Variants in COL9A2 observed in about 807,000 individuals in gnomAD.
COL9A2 encodes collagen alpha-2(IX) chain.
Under a neutral mutation model 111.6 loss-of-function variants are expected in COL9A2, and 66 were observed. The ratio of observed to expected loss-of-function variants is 0.59; its 90% CI spans 0.48 to 0.73. The LOEUF (loss-of-function observed/expected upper bound fraction) is 0.73, where lower values mean the gene tolerates loss of function less well. Ranked by LOEUF, COL9A2 falls within the 30% of genes least tolerant of loss-of-function variation. The pLI is 0.00. For missense variants in COL9A2, 881 were observed against 954.1 expected (o/e 0.92, Z 1.01); for synonymous variants, 353 against 364.1 (o/e 0.97, Z 0.35).
chr1:40,313,823 T>C lies in COL9A2; in HGVS notation c.249+382A>G, dbSNP rs142756892. ...TGATGTTTCTCTCCTGAGTCATGCC[T>C]GGGGCTGTGGGTAGGGGTCAGGGGA... On this transcript the variant is annotated intron_variant, in intron 4 of 31. Coordinates refer to ENST00000372748, the MANE Select transcript of COL9A2 (RefSeq NM_001852.4). 1.9e-3 allele frequency among the ~76,000 whole-genome samples: 283 copies of C among 152,226 alleles called. 2 individuals are homozygous for C. Among genetic ancestry groups the C allele is most frequent in the African/African-American group, 6.3e-3 (261 of 41,536 alleles).
rs538441550 is a variant in COL9A2 at position 40,306,612 on chromosome 1, A to G, written c.1009-425T>C. The stretch of plus-strand genomic sequence containing the variant: ...AAGGCACAAAGAGACCAGAAAGGGC[A>G]TTTCAAACAGAGGGACCAGCAAAGG... On this transcript the variant is annotated intron_variant, in intron 19 of 31. Coordinates refer to ENST00000372748, the MANE Select transcript of COL9A2 (RefSeq NM_001852.4). 1.5e-3 allele frequency among the ~76,000 whole-genome samples: 218 copies of G among 149,424 alleles called. 1 individual carries two copies. Among genetic ancestry groups the G allele is most frequent in the African/African-American group, 5.1e-3 (199 of 39,296 alleles).
In COL9A2 at chr1:40,310,003, G is replaced by A. The variant is rs529982405; in HGVS notation, c.793-12C>T. ...GGACCTTCCTCACCCTGGCAAGAAA[G>A]ACAAGCAGGAATCCAGGTCACACAG... On this transcript the variant is annotated splice_polypyrimidine_tract_variant and intron_variant, in intron 15 of 31. Coordinates refer to ENST00000372748, the MANE Select transcript of COL9A2 (RefSeq NM_001852.4). The surrounding 1 kb of genome is among the most constrained non-coding windows in gnomAD (Gnocchi z 4.9). The A allele has an allele frequency of 6.2e-7, 1 of 1,614,170 alleles. No homozygotes were observed. The highest frequency in any genetic ancestry group is 1.3e-5 in the African/African-American group (1 of 75,054).
chr1:40,309,631 G>GAC (rs990289912), intron 16 of COL9A2, among the ~76,000 whole-genome samples: 3 of 151,578 alleles, frequency 2.0e-5, no homozygotes, highest in African/African-American at 4.8e-5. Context: ...CACTTGGGCA[G>GAC]ACACACACAC....
Position 40,310,023 on chromosome 1 carries a change from A to C in COL9A2, c.793-32T>G. The C allele has an allele frequency of 3.7e-6, 6 of 1,614,146 alleles. No individual in the cohort carries two copies. Among genetic ancestry groups the C allele is most frequent in the Non-Finnish European group, 5.1e-6 (6 of 1,179,986 alleles). On this transcript the variant is annotated intron_variant, in intron 15 of 31. Coordinates refer to ENST00000372748, the MANE Select transcript of COL9A2 (RefSeq NM_001852.4). This position sits in a 1 kb window ranked among gnomAD's most constrained non-coding sequence, Gnocchi z 4.9. Reference sequence around the variant, plus strand: ...AGAAAGACAAGCAGGAATCCAGGTCACACAGGCTCAGGGGGAGCCATGCCC... The same window carrying C: ...AGAAAGACAAGCAGGAATCCAGGTCCCACAGGCTCAGGGGGAGCCATGCCC...
rs958287843 is a variant in COL9A2 at position 40,314,444 on chromosome 1, C to T, written c.151-57G>A. On this transcript the variant is annotated intron_variant, in intron 2 of 31. Transcript: ENST00000372748. The surrounding 1 kb of genome is among the most constrained non-coding windows in gnomAD (Gnocchi z 4.1). Reference sequence around the variant, plus strand: ...TACGGCTCACACTACCCCAAGTGGGCACACACAGGCCCTGGCAGGCCGCTC... The same window carrying T: ...TACGGCTCACACTACCCCAAGTGGGTACACACAGGCCCTGGCAGGCCGCTC... 4 of 1,608,418 alleles carry T rather than the reference C, an allele frequency of 2.5e-6. No individual in the cohort carries two copies. In the African/African-American group the frequency reaches 5.3e-5, roughly 22 times the overall value.
At position 40,317,130 on chromosome 1, in the gene COL9A2, G is replaced by A. The variant is rs865814938; in HGVS notation, c.68C>T (p.Ala23Val). 2.5e-6 allele frequency: 4 copies of A among 1,578,254 alleles called. No individual in the cohort carries two copies. Among genetic ancestry groups the A allele is most frequent in the Non-Finnish European group, 3.4e-6 (4 of 1,162,622 alleles). ...AGGGGCTGCGAAACTTACAATCTGC[G>A]CCAGAGCGAGCACTACCACCTGGAG... ...VLLQVVVLAL[A>V]QIRGPPGERG... Residue 23 changes from alanine to valine, a missense_variant, in exon 1 of 32, where the codon GCG becomes GTG. Ala to Val is a moderately conservative substitution (Grantham distance 64). Coordinates refer to ENST00000372748, the MANE Select transcript of COL9A2 (RefSeq NM_001852.4). The surrounding 1 kb of genome is among the most constrained non-coding windows in gnomAD (Gnocchi z 4.3).
chr1:40,303,458 T>A lies in COL9A2; in HGVS notation c.1548+72A>T, dbSNP rs1269421858. On this transcript the variant is annotated intron_variant, in intron 28 of 31. Transcript: ENST00000372748. This position sits in a 1 kb window ranked among gnomAD's most constrained non-coding sequence, Gnocchi z 4.6. ...GGTGAGTCTCTGGGAATCCCTAGCCTTTGGCGGGTAAGCCGCACCCCAGAA... is the reference window on the plus strand; with the variant it reads ...GGTGAGTCTCTGGGAATCCCTAGCCATTGGCGGGTAAGCCGCACCCCAGAA... The A allele has an allele frequency of 1.9e-6, 3 of 1,591,594 alleles. No individual in the cohort carries two copies. Among genetic ancestry groups the A allele is most frequent in the African/African-American group, 1.3e-5 (1 of 74,272 alleles).
intron 17 of COL9A2, 44 bp downstream of exon 17, chr1:40,308,148 G>A (rs879328265): frequency 6.3e-7 from 1 of 1,590,886 alleles, no homozygotes; most frequent in Non-Finnish European, 8.6e-7. Flanking sequence ...AAAGCAGCTG[G>A]GCCCTGGCCT....
At position 40,311,285 on chromosome 1, in the gene COL9A2, C is replaced by T; in HGVS notation, c.521G>A (p.Cys174Tyr). The T allele has an allele frequency of 6.2e-7, 1 of 1,613,934 alleles. No homozygotes were observed. Among genetic ancestry groups the T allele is most frequent in the Non-Finnish European group, 8.5e-7 (1 of 1,179,910 alleles). The change falls in exon 11 of 32, where the codon TGT becomes TAT. Residue 174 changes from cysteine to tyrosine, a missense_variant and splice_region_variant. Transcript: ENST00000372748. This position sits in a 1 kb window ranked among gnomAD's most constrained non-coding sequence, Gnocchi z 5.1. Reference protein sequence around the residue: ...QGLEGSADFLCPTNCPPGMKG... With the variant: ...QGLEGSADFLYPTNCPPGMKG... ...CATTCCGGGTGGACAGTTGGTTGGACACTGGAAACAGAAAATCCCACAGGG... is the reference window on the plus strand; with the variant it reads ...CATTCCGGGTGGACAGTTGGTTGGATACTGGAAACAGAAAATCCCACAGGG...
intron 31 of COL9A2, 106 bp downstream of exon 31, chr1:40,301,706 T>G: frequency 1.8e-6 from 2 of 1,088,986 alleles, no homozygotes; most frequent in Non-Finnish European, 2.7e-6. Context: ...TATCAAGGAC[T>G]GAGCTGGCTG....
rs772674774 is a variant in COL9A2 at position 40,311,220 on chromosome 1, G to A, written c.576+10C>T. 6 of 1,614,074 alleles carry A rather than the reference G, an allele frequency of 3.7e-6. No individual in the cohort carries two copies. The highest frequency in any genetic ancestry group is 2.7e-5 in the African/African-American group (2 of 74,924). The stretch of plus-strand genomic sequence containing the variant: ...ACCACCCTCCCAAGATTCAGGCCAG[G>A]AGCTCTCACCTTCACTCCCTGCAGC... On this transcript the variant is annotated intron_variant, in intron 11 of 31. Transcript: ENST00000372748. The surrounding 1 kb of genome is among the most constrained non-coding windows in gnomAD (Gnocchi z 5.1).
intron 16 of COL9A2, among the ~76,000 whole-genome samples, chr1:40,309,189 C>A (rs61320636): frequency 0.052 from 7,841 of 151,958 alleles, 225 homozygotes; most frequent in Middle Eastern, 0.065. Context: ...TGCAGTGAGC[C>A]GAGATCGCAC....
chr1:40,313,487 G>C (rs1463383896), intron 4 of COL9A2, among the ~76,000 whole-genome samples: 1 of 152,164 alleles, frequency 6.6e-6, no homozygotes. Context: ...CTTTTTCTGA[G>C]CCTTAGTTTC....
chr1:40,304,278 A>T, intron 24 of COL9A2, 42 bp downstream of exon 24: 5 of 1,549,426 alleles, frequency 3.2e-6, no homozygotes, highest in Non-Finnish European at 4.4e-6. Context: ...TCCCCCTGTT[A>T]TAGGGCCCCT....
intron 1 of COL9A2, 75 bp from the exon 2 acceptor site, chr1:40,315,739 C>G (rs1021951356): frequency 2.6e-5 from 29 of 1,111,732 alleles, no homozygotes; most frequent in Non-Finnish European, 2.8e-5. Context: ...TGCAAGCGAC[C>G]CTGGGAGCGG....
In COL9A2 at chr1:40,301,364, C is replaced by T; in HGVS notation, c.1888G>A (p.Gly630Ser). The T allele has an allele frequency of 1.2e-6, 2 of 1,608,886 alleles. No homozygotes were observed. Among genetic ancestry groups the T allele is most frequent in the Non-Finnish European group, 1.7e-6 (2 of 1,176,630 alleles). ...CCATCCTTGCCGTTGATTGCCTGGCCAGGCCGGCCAGGGAGTCCTGTGAAC... is the reference window on the plus strand; with the variant it reads ...CCATCCTTGCCGTTGATTGCCTGGCTAGGCCGGCCAGGGAGTCCTGTGAAC... ...PGIPGLPGRPGQAINGKDGDR... is the reference protein window; with the variant it reads ...PGIPGLPGRPSQAINGKDGDR... The change falls in exon 32 of 32, where the codon GGC becomes AGC. Residue 630 changes from glycine (G) to serine (S), a missense_variant. Transcript: ENST00000372748.
chr1:40,311,977 G>C lies in COL9A2; in HGVS notation c.417+82C>G, dbSNP rs1644136174. ...TTCCCAGTGGCCAGGAGCAGGCCCA[G>C]GAACTTCCAGAAAGACCACCCAGCT... is the stretch of plus-strand genomic sequence containing the variant. On this transcript the variant is annotated intron_variant, in intron 8 of 31. Transcript: ENST00000372748. The surrounding 1 kb of genome is among the most constrained non-coding windows in gnomAD (Gnocchi z 5.1). 9 of 1,439,142 alleles carry C rather than the reference G, an allele frequency of 6.3e-6. No individual in the cohort carries two copies. Among genetic ancestry groups the C allele is most frequent in the Non-Finnish European group, 8.6e-6 (9 of 1,041,078 alleles). The allele number at this position is 1,439,142 out of a possible 1,614,324, so 89.1% of individuals were successfully genotyped here.
Position 40,311,419 on chromosome 1 carries a change from C to CCCCCATCTCCGTGGCCCCGCCT in COL9A2, c.519+59_519+80dup. The CCCCCATCTCCGTGGCCCCGCCT allele has an allele frequency of 6.3e-7, 1 of 1,583,074 alleles. No homozygotes were observed. Among genetic ancestry groups the CCCCCATCTCCGTGGCCCCGCCT allele is most frequent in the Non-Finnish European group, 8.6e-7 (1 of 1,158,986 alleles). ...CAGCCCCTCCCCATCTCTCCAGACA[C>CCCCCATCTCCGTGGCCCCGCCT]CCCCATCTCCGTGGCCCCGCCTCCC... is the stretch of plus-strand genomic sequence containing the variant. On this transcript the variant is annotated intron_variant, in intron 10 of 31. Transcript: ENST00000372748. This position sits in a 1 kb window ranked among gnomAD's most constrained non-coding sequence, Gnocchi z 5.1.
intron 22 of COL9A2, 109 bp downstream of exon 22, chr1:40,304,685 G>T: frequency 7.2e-7 from 1 of 1,390,270 alleles, no homozygotes; most frequent in Non-Finnish European, 1.0e-6. Flanking sequence ...AGCAAACCTA[G>T]GCCCTGCCTG....
Sources: allele counts gnomAD v4.1 joint callset (sites outside exome capture counted in the v4.1 genomes callset), GRCh38; gene constraint gnomAD v4.1.1; non-coding constraint Gnocchi (gnomAD v3.1); transcripts MANE v1.5; gene names NCBI Gene and HGNC (gene_info 2026-07-23, HGNC 2026-07-21).